SEM1: variants seen among roughly 807,000 people sequenced by gnomAD.
The protein encoded by SEM1 is 26S proteasome complex subunit SEM1.
SEM1 carries 3 observed loss-of-function variants against 12.7 expected under a neutral mutation model. That is an observed-to-expected ratio of 0.24 (90% CI 0.11 to 0.61). SEM1 has a LOEUF of 0.61. SEM1 is among the 20% of genes least tolerant of loss of function. SEM1 has a pLI of 0.88. For synonymous variants in SEM1, 30 were observed against 27.8 expected (o/e 1.08, Z -0.25); for missense variants, 59 against 81.3 (o/e 0.73, Z 1.06).
intron 2 of SEM1, among the ~76,000 whole-genome samples, chr7:96,586,736 C>A (rs964070689): frequency 6.6e-6 from 1 of 152,138 alleles, no homozygotes; most frequent in African/African-American, 2.4e-5. Flanking sequence ...ATGTGTTTTA[C>A]AGGAAATATC....
chr7:96,508,001 G>T (rs1410824456), intron 2 of SEM1, among the ~76,000 whole-genome samples: 2 of 152,008 alleles, frequency 1.3e-5, no homozygotes, highest in African/African-American at 2.4e-5. Context: ...ATCACCCTTC[G>T]CATATTTCTC....
chr7:96,498,691 G>T (rs947222404), upstream of SEM1, among the ~76,000 whole-genome samples: 9 of 152,128 alleles, frequency 5.9e-5, no homozygotes, highest in Non-Finnish European at 1.0e-4. Flanking sequence ...AATGATTGTT[G>T]TGTGTCCTGC....
chr7:96,489,606 C>T (rs1802921466), intron 1 of SEM1, among the ~76,000 whole-genome samples: 1 of 152,236 alleles, frequency 6.6e-6, no homozygotes, highest in African/African-American at 2.4e-5. Flanking sequence ...AACAAATTAC[C>T]TCAAACTGAG....
At chr7:96,701,946 G>A (rs1008735240) in intron 1 of SEM1, among the ~76,000 whole-genome samples, 16 of 152,060 alleles carry the variant, frequency 1.1e-4, no homozygotes, top group Non-Finnish European at 2.1e-4. Flanking sequence ...TCCTGGAGAG[G>A]GGCAGCATGG....
chr7:96,693,760 T>TTGTGTGTGTGTGTG (rs566641071), intron 2 of SEM1, among the ~76,000 whole-genome samples: 8,463 of 138,528 alleles, frequency 0.061, 240 homozygotes, highest in Middle Eastern at 0.077. Flanking sequence ...ACAATTCCAC[T>TTGTGTGTGTGTGTG]TGTGTGTGTG....
intron 2 of SEM1, among the ~76,000 whole-genome samples, chr7:96,624,197 G>A (rs2116298741): frequency 6.6e-6 from 1 of 152,162 alleles, no homozygotes; most frequent in South Asian, 2.1e-4. Flanking sequence ...CATATAAGAA[G>A]ATCTAAAATT....
upstream of SEM1, among the ~76,000 whole-genome samples, chr7:96,501,107 T>A (rs903489186): frequency 4.6e-5 from 7 of 152,172 alleles, no homozygotes; most frequent in Non-Finnish European, 7.4e-5. Flanking sequence ...AAGGTCACTG[T>A]TAACCCTCTG....
At chr7:96,583,941 C>T (rs1341968775) in intron 2 of SEM1, among the ~76,000 whole-genome samples, 1 of 151,646 alleles carries the variant, frequency 6.6e-6, no homozygotes, top group African/African-American at 2.4e-5. Flanking sequence ...CAGTCTGTGT[C>T]TTTTAATTGG....
chr7:96,483,797 G>A lies in SEM1; in HGVS notation c.*62C>T, dbSNP rs144944088. 4,068 of 1,531,900 alleles carry A rather than the reference G, an allele frequency of 2.7e-3. 12 individuals carry two copies. Among genetic ancestry groups the A allele is most frequent in the Non-Finnish European group, 2.8e-3 (3,220 of 1,142,472 alleles). The allele number at this position is 1,531,900 out of a possible 1,614,324, so 94.9% of individuals were successfully genotyped here. A position where few individuals can be genotyped will look rare whatever the true frequency, so the allele number is the denominator to read the frequency against. ...AGCCAGGGATATCTGGTATCAGCAT[G>A]TTTACTTCAATAGATGTGGGCACCA... On this transcript the variant is annotated 3_prime_UTR_variant, in exon 4 of 4. Coordinates refer to the SEM1 transcript ENST00000356686.
intron 2 of SEM1, among the ~76,000 whole-genome samples, chr7:96,577,642 C>A (rs1245249152): frequency 6.6e-6 from 1 of 151,814 alleles, no homozygotes; most frequent in Non-Finnish European, 1.5e-5. Flanking sequence ...CCTTGGAAAA[C>A]CCAGAGCTCA....
At chr7:96,707,423 A>C (rs1161458839) in intron 1 of SEM1, among the ~76,000 whole-genome samples, 2 of 152,238 alleles carry the variant, frequency 1.3e-5, no homozygotes, top group African/African-American at 4.8e-5. Context: ...AACCTCTCCA[A>C]ATCATAAACC....
chr7:96,658,549 C>G (rs1809259707), intron 2 of SEM1, among the ~76,000 whole-genome samples: 1 of 152,206 alleles, frequency 6.6e-6, no homozygotes, highest in South Asian at 2.1e-4. Flanking sequence ...AATGTTAAAT[C>G]TGTGCATAGG....
chr7:96,522,852 T>A (rs1563044674), intron 2 of SEM1, among the ~76,000 whole-genome samples: 2 of 143,846 alleles, frequency 1.4e-5, no homozygotes, highest in Non-Finnish European at 1.5e-5. Flanking sequence ...GATCACATCA[T>A]TGCACTCCAG....
chr7:96,679,798 T>C (rs1298385129), intron 2 of SEM1, among the ~76,000 whole-genome samples: 10 of 152,160 alleles, frequency 6.6e-5, no homozygotes, highest in Admixed American at 6.6e-4. Context: ...ATGCTGATTC[T>C]GCCAATCATT....
chr7:96,606,116 ATTG>A (rs1298833322), intron 2 of SEM1, among the ~76,000 whole-genome samples: 1 of 152,208 alleles, frequency 6.6e-6, no homozygotes, highest in East Asian at 1.9e-4. Flanking sequence ...ATTATTAGTT[ATTG>A]TTGTTAATCT....
chr7:96,709,169 G>A (rs898452819), intron 1 of SEM1, among the ~76,000 whole-genome samples: 2 of 152,092 alleles, frequency 1.3e-5, no homozygotes, highest in Non-Finnish European at 2.9e-5. Flanking sequence ...GATCAAAATG[G>A]TGAGGAACAG....
intron 2 of SEM1, among the ~76,000 whole-genome samples, chr7:96,555,132 T>C (rs1035697846): frequency 7.0e-5 from 10 of 142,604 alleles, no homozygotes; most frequent in Non-Finnish European, 1.6e-4. Flanking sequence ...ATTTTGTTGA[T>C]CCTTTCAAAA....
intron 2 of SEM1, among the ~76,000 whole-genome samples, chr7:96,607,970 T>G (rs570948154): frequency 1.1e-4 from 17 of 152,270 alleles, no homozygotes; most frequent in Admixed American, 9.8e-4. Flanking sequence ...CCTCTCCCCT[T>G]GAGGGACTCA....
In SEM1 at chr7:96,673,509, A is replaced by C. The variant is rs569836402; in HGVS notation, c.*251T>G. ...TCAAGTAAGCCCCTGTTATGTAGCT[A>C]CAGGAAGTATCATAATCTCTTACTA... On this transcript the variant is annotated 3_prime_UTR_variant, in exon 3 of 3. Coordinates refer to the SEM1 transcript ENST00000413065. 252 of 470,260 alleles carry C rather than the reference A, an allele frequency of 5.4e-4. 1 individual carries two copies. Among genetic ancestry groups the C allele is most frequent in the African/African-American group, 4.5e-3 (235 of 52,048 alleles). The allele number at this position is 470,260 out of a possible 1,614,324, so 29.1% of individuals were successfully genotyped here. A position where few individuals can be genotyped will look rare whatever the true frequency, so the allele number is the denominator to read the frequency against.
Sources: allele counts gnomAD v4.1 joint callset (sites outside exome capture counted in the v4.1 genomes callset), GRCh38; gene constraint gnomAD v4.1.1; transcripts MANE v1.5; gene names NCBI Gene and HGNC (gene_info 2026-07-23, HGNC 2026-07-21).